SRGAP3: variants seen among roughly 807,000 people sequenced by gnomAD.
The protein encoded by SRGAP3 is SLIT-ROBO Rho GTPase activating protein 3.
A neutral mutation model predicts 121.1 loss-of-function variants in SRGAP3; 39 were observed. That is an observed-to-expected ratio of 0.32 (90% CI 0.25 to 0.42). The LOEUF (loss-of-function observed/expected upper bound fraction) is 0.42. SRGAP3 is among the 10% of genes least tolerant of loss of function. SRGAP3 has a pLI of 1.00. For synonymous variants in SRGAP3, 601 were observed against 570.0 expected (o/e 1.05, Z -0.77); for missense variants, 1,213 against 1,470.6 (o/e 0.82, Z 2.86).
intron 3 of SRGAP3, chr3:9,325,872 G>A (rs1955509350): frequency 6.6e-6 from 1 of 151,802 alleles, no homozygotes; most frequent in Non-Finnish European, 1.5e-5. Context: ...ATTGTTCATA[G>A]AGGCATAAAC....
intron 3 of SRGAP3, among the ~76,000 whole-genome samples, chr3:9,104,092 A>G (rs1377009654): frequency 6.6e-6 from 1 of 152,272 alleles, no homozygotes; most frequent in Non-Finnish European, 1.5e-5. Flanking sequence ...GTACATCTAT[A>G]TAATGAAATA....
chr3:9,058,362 A>G lies in SRGAP3; in HGVS notation c.912T>C (p.Asn304=), dbSNP rs769185740. The G allele has an allele frequency of 1.9e-6, 3 of 1,614,140 alleles. No homozygotes were observed. The highest frequency in any genetic ancestry group is 2.2e-5 in the East Asian group (1 of 44,896). The change falls in exon 7 of 22, where the codon AAT becomes AAC. Residue 304 remains asparagine, a synonymous_variant. Transcript: ENST00000383836. ...SRHEGLDVIE[N]AVDNLDSRSD... is the part of the protein sequence containing the mutation. ...TTCGGGAATCCAGGTTGTCCACTGC[A>G]TTCTCAATGACATCCAGCCCTTCGT...
chr3:9,273,282 G>C (rs1399063032), intron 3 of SRGAP3, among the ~76,000 whole-genome samples: 1 of 152,172 alleles, frequency 6.6e-6, no homozygotes, highest in Non-Finnish European at 1.5e-5. Context: ...CTGCGGCCCA[G>C]TTCCTAACAG....
At chr3:9,024,451 G>GA (rs1944085694) in intron 14 of SRGAP3, among the ~76,000 whole-genome samples, 1 of 152,210 alleles carries the variant, frequency 6.6e-6, no homozygotes, top group African/African-American at 2.4e-5. Context: ...GCAGCAGTGA[G>GA]ATAAGCACTG....
At chr3:9,030,489 A>G (rs1251391174) in intron 12 of SRGAP3, among the ~76,000 whole-genome samples, 1 of 152,234 alleles carries the variant, frequency 6.6e-6, no homozygotes, top group African/African-American at 2.4e-5. Flanking sequence ...GGTAAAGGCC[A>G]TGCTCCAGGC....
At chr3:9,234,788 G>A (rs936014371) in intron 1 of SRGAP3, among the ~76,000 whole-genome samples, 1 of 152,190 alleles carries the variant, frequency 6.6e-6, no homozygotes, top group Admixed American at 6.5e-5. Flanking sequence ...AAATCCAGCA[G>A]AGAGCAACAA....
At chr3:9,026,693 A>C (rs1251875195) in intron 13 of SRGAP3, among the ~76,000 whole-genome samples, 1 of 152,218 alleles carries the variant, frequency 6.6e-6, no homozygotes, top group Non-Finnish European at 1.5e-5. Flanking sequence ...TCTCTTGTCC[A>C]TGCCCTTTCT....
In SRGAP3 at chr3:9,243,648, A is replaced by AG. The variant is rs1553561230; in HGVS notation, c.67+5236_67+5237insC. Among the ~76,000 whole-genome samples the AG allele has an allele frequency of 3.5e-4, 52 of 149,334 alleles. 1 individual carries two copies. Among genetic ancestry groups the AG allele is most frequent in the South Asian group, 8.6e-4 (4 of 4,678 alleles). On this transcript the variant is annotated intron_variant, in intron 1 of 21. Transcript: ENST00000383836. ...AGACTCTGTCTTAAAAAAAAAAAAAAAGAGAGAGAGAGAGAGAGAAAAGGG... is the reference window on the plus strand; with the variant it reads ...AGACTCTGTCTTAAAAAAAAAAAAAAGAGAGAGAGAGAGAGAGAGAAAAGGG...
chr3:9,069,205 G>C (rs1946563649), intron 4 of SRGAP3, among the ~76,000 whole-genome samples: 1 of 152,192 alleles, frequency 6.6e-6, no homozygotes, highest in Non-Finnish European at 1.5e-5. Flanking sequence ...GAATTCGGGA[G>C]ACTTGGTTTT....
chr3:9,154,426 C>T (rs904004379), intron 1 of SRGAP3, among the ~76,000 whole-genome samples: 1 of 152,038 alleles, frequency 6.6e-6, no homozygotes. Flanking sequence ...CAGTCCACCT[C>T]GCCTCCCCCT....
intron 3 of SRGAP3, among the ~76,000 whole-genome samples, chr3:9,099,370 C>T (rs1948118149): frequency 6.6e-6 from 1 of 152,190 alleles, no homozygotes; most frequent in South Asian, 2.1e-4. Flanking sequence ...TTAAATTCCA[C>T]AGGCATCAGA....
intron 20 of SRGAP3, among the ~76,000 whole-genome samples, chr3:8,991,119 C>A (rs1942033091): frequency 6.6e-6 from 1 of 152,194 alleles, no homozygotes; most frequent in Admixed American, 6.5e-5. Flanking sequence ...TGCATCTGGT[C>A]TACATGCTAA....
chr3:9,076,346 G>A (rs892155087), intron 4 of SRGAP3, among the ~76,000 whole-genome samples: 3 of 152,158 alleles, frequency 2.0e-5, no homozygotes, highest in African/African-American at 7.2e-5. Context: ...AAATGTAAGA[G>A]TGTTAATTAA....
chr3:9,144,206 T>C (rs933752540), intron 1 of SRGAP3, among the ~76,000 whole-genome samples: 2 of 152,256 alleles, frequency 1.3e-5, no homozygotes, highest in Non-Finnish European at 2.9e-5. Flanking sequence ...AAAACCTTAA[T>C]GTGCTTTTAG....
rs564918394 is a variant in SRGAP3 at position 9,271,001 on chromosome 3, G to A, written n.442+55009C>T. 3.9e-5 allele frequency among the ~76,000 whole-genome samples: 6 copies of A among 152,252 alleles called. No homozygotes were observed. The East Asian group carries it at 1.2e-3, about 29-fold the overall frequency. On this transcript the variant is annotated intron_variant and non_coding_transcript_variant, in intron 3 of 3. Transcript: ENST00000490889. ...GTTTTGTTTTTCTTTCATTGCCTGGGCTTTTGGACTAAGGCTCACACTCCC... is the reference window on the plus strand; with the variant it reads ...GTTTTGTTTTTCTTTCATTGCCTGGACTTTTGGACTAAGGCTCACACTCCC...
At chr3:9,190,750 A>G (rs1026954631) in intron 1 of SRGAP3, among the ~76,000 whole-genome samples, 2 of 152,190 alleles carry the variant, frequency 1.3e-5, no homozygotes, top group Non-Finnish European at 2.9e-5. Context: ...CCCTGTGACT[A>G]AAACAGAACT....
rs528309655 is a variant in SRGAP3, at chr3:9,206,448, C to CATCTATT, written c.67+42430_67+42436dup. ...TTCTCTGATCCTCAAATAGACTCAT[C>CATCTATT]ATCTATTCTCAGCACAACAGTCACA... On this transcript the variant is annotated intron_variant, in intron 1 of 21. Coordinates refer to ENST00000383836, the MANE Select transcript of SRGAP3 (RefSeq NM_014850.4). 5.9e-5 allele frequency among the ~76,000 whole-genome samples: 9 copies of CATCTATT among 152,302 alleles called. 1 individual carries two copies. The South Asian group carries it at 1.9e-3, about 32-fold the overall frequency.
chr3:9,197,532 T>C (rs1457127543), intron 1 of SRGAP3, among the ~76,000 whole-genome samples: 1 of 152,260 alleles, frequency 6.6e-6, no homozygotes, highest in Non-Finnish European at 1.5e-5. Flanking sequence ...GTTTGCAAAA[T>C]GTTTCTTCTC....
intron 1 of SRGAP3, among the ~76,000 whole-genome samples, chr3:9,191,619 T>C (rs1304028785): frequency 6.6e-6 from 1 of 152,170 alleles, no homozygotes; most frequent in Non-Finnish European, 1.5e-5. Flanking sequence ...AGGAACAGTA[T>C]GGTCAAAGGC....
Sources: gnomAD v4.1 joint callset for allele counts (sites outside exome capture counted in the v4.1 genomes callset) on GRCh38, gnomAD v4.1.1 for gene constraint, MANE v1.5 for transcripts, NCBI Gene and HGNC (gene_info 2026-07-23, HGNC 2026-07-21) for gene names.